The following LRRIQ1 variants were observed in gnomAD, a reference collection of about 807,000 sequenced individuals.
LRRIQ1 encodes leucine-rich repeat- and IQ domain-containing protein 1.
A neutral mutation model predicts 211.9 loss-of-function variants in LRRIQ1; 210 were observed. The observed-to-expected ratio is 0.99, with a 90% confidence interval of 0.89 to 1.11. LRRIQ1 has a LOEUF of 1.11. Ranked by LOEUF, LRRIQ1 falls within the 50% of genes most tolerant of loss-of-function variation. The pLI is 0.00. For missense variants in LRRIQ1, 2,136 were observed against 1,939.5 expected (o/e 1.10, Z -1.90); for synonymous variants, 699 against 650.1 (o/e 1.08, Z -1.14).
rs1353901385 is a variant in LRRIQ1, at chr12:85,160,639, A to G, written c.4747A>G (p.Lys1583Glu). 1.2e-6 allele frequency: 2 copies of G among 1,609,480 alleles called. No homozygotes were observed. The highest frequency in any genetic ancestry group is 1.7e-6 in the Non-Finnish European group (2 of 1,176,664). The change falls in exon 24 of 27, where the codon AAA becomes GAA. Residue 1583 changes from lysine to glutamate, a missense_variant. By Grantham distance (56) the Lys-to-Glu change is moderately conservative (BLOSUM62 1). Coordinates refer to ENST00000393217, the MANE Select transcript of LRRIQ1 (RefSeq NM_001079910.2). ...IDSTVRLALFKNNENKVSLPK... is the reference protein window; with the variant it reads ...IDSTVRLALFENNENKVSLPK... ...TTCCACTGTGCGTCTAGCCTTATTC[A>G]AAAACAATGAAAATAAAGTGTCTCT...
intron 3 of LRRIQ1, 98 bp from the exon 4 acceptor site, chr12:85,044,620 A>G (rs553990970): frequency 3.7e-6 from 2 of 545,114 alleles, no homozygotes; most frequent in East Asian, 6.0e-5. Context: ...ATATACCCTG[A>G]TAGAATTTGA....
chr12:85,177,722 T>C (rs1035042455), intron 24 of LRRIQ1, among the ~76,000 whole-genome samples: 1 of 152,096 alleles, frequency 6.6e-6, no homozygotes, highest in Non-Finnish European at 1.5e-5. Context: ...CACTGTAGGA[T>C]TGTAAGCAAA....
intron 24 of LRRIQ1, among the ~76,000 whole-genome samples, chr12:85,198,498 C>T (rs1210148723): frequency 2.6e-5 from 4 of 151,908 alleles, no homozygotes; most frequent in Non-Finnish European, 5.9e-5. Context: ...TTATTAATAG[C>T]CATTCCTACT....
At chr12:85,120,930 G>GT (rs139289371) in intron 15 of LRRIQ1, among the ~76,000 whole-genome samples, 2,732 of 151,746 alleles carry the variant, frequency 0.018, 79 homozygotes, top group African/African-American at 0.063. Context: ...ATTAGTTTTT[G>GT]TTTTTTTGTT....
chr12:85,106,214 T>C (rs1038745604), intron 14 of LRRIQ1, among the ~76,000 whole-genome samples: 2 of 152,204 alleles, frequency 1.3e-5, no homozygotes, highest in African/African-American at 2.4e-5. Flanking sequence ...TTACAATCTG[T>C]CACAAACTAT....
intron 11 of LRRIQ1, among the ~76,000 whole-genome samples, chr12:85,092,194 C>A (rs1325045581): frequency 2.0e-5 from 3 of 152,096 alleles, no homozygotes; most frequent in Non-Finnish European, 4.4e-5. Context: ...TATAAAAACC[C>A]CATCAGTGAG....
chr12:85,212,782 A>G (rs1012169213), intron 24 of LRRIQ1, among the ~76,000 whole-genome samples: 2 of 147,108 alleles, frequency 1.4e-5, no homozygotes, highest in African/African-American at 5.1e-5. Context: ...TATTTTATAT[A>G]TATATAGAGA....
intron 24 of LRRIQ1, among the ~76,000 whole-genome samples, chr12:85,216,405 G>A (rs966517061): frequency 2.6e-5 from 4 of 151,940 alleles, no homozygotes; most frequent in Non-Finnish European, 5.9e-5. Flanking sequence ...GAGCAGGACC[G>A]CTGGTATGCA....
chr12:85,266,320 T>C (rs1221716568), downstream of LRRIQ1, among the ~76,000 whole-genome samples: 1 of 152,068 alleles, frequency 6.6e-6, no homozygotes, highest in Non-Finnish European at 1.5e-5. Flanking sequence ...GGATCATAAA[T>C]CCAGTTTTAA....
At chr12:85,160,168 T>G (rs1890787073) in intron 23 of LRRIQ1, among the ~76,000 whole-genome samples, 1 of 152,062 alleles carries the variant, frequency 6.6e-6, no homozygotes, top group African/African-American at 2.4e-5. Context: ...ATCTATTTTT[T>G]GTAATATTAA....
At chr12:85,036,838 A>C (rs1053355042) in intron 1 of LRRIQ1, among the ~76,000 whole-genome samples, 1 of 151,514 alleles carries the variant, frequency 6.6e-6, no homozygotes, top group Non-Finnish European at 1.5e-5. Flanking sequence ...GGAGTTCCTT[A>C]AGCTTTTCTA....
intron 24 of LRRIQ1, among the ~76,000 whole-genome samples, chr12:85,188,865 A>T (rs1892354106): frequency 6.6e-6 from 1 of 152,120 alleles, no homozygotes; most frequent in South Asian, 2.1e-4. Context: ...TATTACACAT[A>T]AAATTTTTGA....
intron 15 of LRRIQ1, among the ~76,000 whole-genome samples, chr12:85,119,000 A>G (rs1887784589): frequency 1.3e-5 from 2 of 152,222 alleles, no homozygotes; most frequent in South Asian, 2.1e-4. Flanking sequence ...GTCACCATCA[A>G]TGAGTCTACA....
At chr12:85,108,439 C>A (rs1444523728) in intron 15 of LRRIQ1, among the ~76,000 whole-genome samples, 1 of 152,054 alleles carries the variant, frequency 6.6e-6, no homozygotes, top group African/African-American at 2.4e-5. Context: ...TCTATGTATT[C>A]TTTTAACTTT....
At chr12:85,156,253 G>A (rs1890537860) in intron 23 of LRRIQ1, among the ~76,000 whole-genome samples, 1 of 151,582 alleles carries the variant, frequency 6.6e-6, no homozygotes, top group African/African-American at 2.4e-5. Context: ...TTTAAAACAT[G>A]AACGCTGAAA....
At chr12:85,064,557 G>A (rs1240044294) in intron 8 of LRRIQ1, among the ~76,000 whole-genome samples, 2 of 151,666 alleles carry the variant, frequency 1.3e-5, no homozygotes, top group East Asian at 3.9e-4. Flanking sequence ...TGCCTTGGTT[G>A]CCTGTGTTTG....
intron 26 of LRRIQ1, among the ~76,000 whole-genome samples, chr12:85,239,043 T>C (rs536292214): frequency 5.6e-4 from 85 of 152,250 alleles, no homozygotes; most frequent in Non-Finnish European, 1.1e-3. Context: ...AAAATAAATG[T>C]TAACATTGAA....
chr12:85,100,037 C>T lies in LRRIQ1; in HGVS notation c.3209+1043C>T, dbSNP rs568414148. 4.6e-5 allele frequency among the ~76,000 whole-genome samples: 7 copies of T among 151,848 alleles called. No individual in the cohort carries two copies. In the South Asian group the frequency reaches 8.3e-4, roughly 18 times the overall value. On this transcript the variant is annotated intron_variant, in intron 13 of 26. Transcript: ENST00000393217. ...AAGTAATTTGGGCAATTCACAAACT[C>T]CTTGGATCTTTTCAGAATATTTTCC... is the stretch of plus-strand genomic sequence containing the variant.
At chr12:85,122,168 A>G (rs1207935589) in intron 16 of LRRIQ1, among the ~76,000 whole-genome samples, 3 of 152,184 alleles carry the variant, frequency 2.0e-5, no homozygotes, top group African/African-American at 7.2e-5. Context: ...TTCAGTCATA[A>G]TTTTATTCAA....
Sources: gnomAD v4.1 joint callset for allele counts (sites outside exome capture counted in the v4.1 genomes callset) on GRCh38, gnomAD v4.1.1 for gene constraint, MANE v1.5 for transcripts, NCBI Gene and HGNC (gene_info 2026-07-23, HGNC 2026-07-21) for gene names.